ATP10A: variants seen among roughly 807,000 people sequenced by gnomAD.
The protein encoded by ATP10A is ATPase phospholipid transporting 10A (putative).
Under a neutral mutation model 147.8 loss-of-function variants are expected in ATP10A, and 111 were observed. That is an observed-to-expected ratio of 0.75 (90% CI 0.64 to 0.88). ATP10A has a LOEUF of 0.88. Among genes scored for constraint, ATP10A ranks in the 40% least tolerant of loss-of-function variants. The pLI is 0.00. For synonymous variants in ATP10A, 875 were observed against 841.6 expected (o/e 1.04, Z -0.69); for missense variants, 1,927 against 1,959.0 (o/e 0.98, Z 0.31).
Position 25,714,357 on chromosome 15 carries a change from A to T in ATP10A, c.1777-116T>A, listed in dbSNP as rs371143932. 140 of 902,730 alleles carry T rather than the reference A, an allele frequency of 1.6e-4. No individual in the cohort carries two copies. The Middle Eastern group carries it at 1.8e-3, about 11-fold the overall frequency. The allele number at this position is 902,730 out of a possible 1,614,324, so 55.9% of individuals were successfully genotyped here. On this transcript the variant is annotated intron_variant, in intron 9 of 20. Coordinates refer to ENST00000555815, the MANE Select transcript of ATP10A (RefSeq NM_024490.4). ...GGAGGAACAATGACCTCGCTTCCCC[A>T]CTGGGGTCTCAGAGCACAGATTTCC...
At chr15:25,828,074 G>GA (rs1892194702) in intron 1 of ATP10A, among the ~76,000 whole-genome samples, 1 of 151,876 alleles carries the variant, frequency 6.6e-6, no homozygotes, top group South Asian at 2.1e-4. Flanking sequence ...ATTTTATGAT[G>GA]AAAAAAAGGT....
rs28376308 is a variant in ATP10A, at chr15:25,845,122, C to A, written c.449+17526G>T. Among the ~76,000 whole-genome samples the A allele has an allele frequency of 6.2e-3, 944 of 152,338 alleles. 12 individuals are homozygous for A. Among genetic ancestry groups the A allele is most frequent in the African/African-American group, 0.022 (897 of 41,590 alleles). On this transcript the variant is annotated intron_variant, in intron 1 of 20. Transcript: ENST00000555815. ...AAGCAAGACCTCGCCTCTCACAGAG[C>A]CCCTCTGGCTGGTGCCTCTTGGGAA...
intron 2 of ATP10A, among the ~76,000 whole-genome samples, chr15:25,751,981 C>G (rs1383271140): frequency 6.6e-6 from 1 of 151,868 alleles, no homozygotes; most frequent in Non-Finnish European, 1.5e-5. Flanking sequence ...TCCTACCTGT[C>G]AGAATAGTTA....
intron 13 of ATP10A, among the ~76,000 whole-genome samples, chr15:25,696,085 C>T (rs56132840): frequency 0.014 from 2,176 of 152,278 alleles, 34 homozygotes; most frequent in Middle Eastern, 0.027. Flanking sequence ...GGAACAAACA[C>T]GCTCCGGGGA....
intron 1 of ATP10A, among the ~76,000 whole-genome samples, chr15:25,823,829 T>TCCCAATTCATTACAA (rs1225839946): frequency 1.3e-5 from 2 of 152,220 alleles, no homozygotes; most frequent in Admixed American, 1.3e-4. Flanking sequence ...ATTACTATAT[T>TCCCAATTCATTACAA]TAAAATAAAA....
At chr15:25,719,944 G>A (rs980370544) in intron 7 of ATP10A, among the ~76,000 whole-genome samples, 4 of 152,138 alleles carry the variant, frequency 2.6e-5, no homozygotes, top group Admixed American at 6.5e-5. Context: ...GACGCTCCTT[G>A]CCTGGGTGCC....
chr15:25,833,983 A>G (rs1392623675), intron 1 of ATP10A, among the ~76,000 whole-genome samples: 1 of 151,352 alleles, frequency 6.6e-6, no homozygotes, highest in African/African-American at 2.5e-5. Context: ...AAAAAAACGA[A>G]CAAACAAAAA....
intron 1 of ATP10A, among the ~76,000 whole-genome samples, chr15:25,836,954 A>C (rs1030300420): frequency 3.3e-5 from 5 of 152,228 alleles, no homozygotes; most frequent in African/African-American, 7.2e-5. Context: ...TTCTTAAAAA[A>C]AATTATTATA....
Position 25,702,035 on chromosome 15 carries a change from C to T in ATP10A, c.2641G>A (p.Ala881Thr), listed in dbSNP as rs745664226. The change falls in exon 13 of 21, where the codon GCG becomes ACG. Residue 881 changes from alanine to threonine, a missense_variant. Transcript: ENST00000555815. ...GTGAGAACCCAAATCTGCAGGCCCG[C>T]TTGACGCAATTTAGAAATAGTTTCA... Reference protein sequence around the residue: ...VPETISKLRQAGLQIWVLTGD... With the variant: ...VPETISKLRQTGLQIWVLTGD... 3 of 1,614,220 alleles carry T rather than the reference C, an allele frequency of 1.9e-6. No individual in the cohort carries two copies. Among genetic ancestry groups the T allele is most frequent in the African/African-American group, 2.7e-5 (2 of 75,056 alleles).
chr15:25,728,094 C>T (rs767469067), intron 3 of ATP10A, among the ~76,000 whole-genome samples: 37 of 152,270 alleles, frequency 2.4e-4, no homozygotes, highest in Middle Eastern at 3.4e-3. Context: ...GAGTGCCTTC[C>T]GAGAGGCTAC....
chr15:25,787,634 G>GAAAGAA (rs1288674948), intron 1 of ATP10A, among the ~76,000 whole-genome samples: 12 of 147,948 alleles, frequency 8.1e-5, no homozygotes, highest in Non-Finnish European at 1.5e-4. Flanking sequence ...AAAAAAAGAA[G>GAAAGAA]AAAGAAAAAG....
At chr15:25,863,755 T>G (rs1482079127), upstream of ATP10A, 3 of 152,224 alleles carry the variant, frequency 2.0e-5, no homozygotes, top group Non-Finnish European at 2.9e-5. Context: ...AAGTCTTTTT[T>G]ACGCAGGACC....
At chr15:25,837,884 G>A (rs1309273781) in intron 1 of ATP10A, among the ~76,000 whole-genome samples, 1 of 152,204 alleles carries the variant, frequency 6.6e-6, no homozygotes, top group Non-Finnish European at 1.5e-5. Context: ...GTGGGGAGGG[G>A]GAACTGGTGA....
chr15:25,819,692 G>T (rs1891801458), intron 1 of ATP10A, among the ~76,000 whole-genome samples: 1 of 152,068 alleles, frequency 6.6e-6, no homozygotes, highest in South Asian at 2.1e-4. Context: ...TCCATCAAAG[G>T]ATAACTGGAT....
intron 2 of ATP10A, among the ~76,000 whole-genome samples, chr15:25,767,013 T>A (rs1889060632): frequency 6.6e-6 from 1 of 151,964 alleles, no homozygotes; most frequent in Admixed American, 6.6e-5. Flanking sequence ...TTTCTTGGCA[T>A]CAGCAATTTC....
intron 1 of ATP10A, among the ~76,000 whole-genome samples, chr15:25,792,518 C>T (rs964754012): frequency 9.8e-5 from 15 of 152,348 alleles, no homozygotes; most frequent in South Asian, 4.1e-4. Context: ...CCCAGACCCA[C>T]GTGGGTGACA....
At chr15:25,705,639 T>TGG (rs1900956244) in intron 12 of ATP10A, among the ~76,000 whole-genome samples, 1 of 152,118 alleles carries the variant, frequency 6.6e-6, no homozygotes, top group Admixed American at 6.6e-5. Flanking sequence ...GCCTCGTCAT[T>TGG]TGAAACATAA....
intron 1 of ATP10A, among the ~76,000 whole-genome samples, chr15:25,824,559 G>T (rs202006836): frequency 0.01 from 1,241 of 120,120 alleles, 24 homozygotes; most frequent in African/African-American, 0.044. Context: ...TTTTGTGTGT[G>T]TTTTTTTTTT....
At chr15:25,821,705 A>G (rs1393052333) in intron 1 of ATP10A, among the ~76,000 whole-genome samples, 1 of 152,228 alleles carries the variant, frequency 6.6e-6, no homozygotes, top group African/African-American at 2.4e-5. Context: ...TCTTTAGAGC[A>G]GAAACATTGT....
Sources: gnomAD v4.1 joint callset for allele counts (sites outside exome capture counted in the v4.1 genomes callset) on GRCh38, gnomAD v4.1.1 for gene constraint, MANE v1.5 for transcripts, NCBI Gene and HGNC (gene_info 2026-07-23, HGNC 2026-07-21) for gene names.